RAPGEF5: variants seen among roughly 807,000 people sequenced by gnomAD.
The protein encoded by RAPGEF5 is M-Ras-regulated GEF.
In RAPGEF5, 65 loss-of-function variants were observed where a neutral mutation model predicts 125.2. That is an observed-to-expected ratio of 0.52 (90% CI 0.43 to 0.64). The LOEUF is 0.64. RAPGEF5 is among the 30% of genes least tolerant of loss of function. The pLI, the probability that RAPGEF5 is intolerant of heterozygous loss-of-function variation, is 0.00. For synonymous variants in RAPGEF5, 391 were observed against 385.9 expected, an observed-to-expected ratio of 1.01 and a Z score of -0.16; for missense variants, 958 against 1,048.1, an observed-to-expected ratio of 0.91 and a Z score of 1.19.
At chr7:22,127,871 G>A (rs1020328875) in intron 24 of RAPGEF5, among the ~76,000 whole-genome samples, 1 of 152,154 alleles carries the variant, frequency 6.6e-6, no homozygotes, top group Admixed American at 6.5e-5. Context: ...TGTCATAACC[G>A]TATTTCTAAT....
intron 2 of RAPGEF5, 58 bp downstream of exon 2, chr7:22,317,929 C>T: frequency 1.9e-6 from 3 of 1,540,772 alleles, no homozygotes; most frequent in African/African-American, 2.8e-5. Flanking sequence ...GATAATTGTA[C>T]ATCAGAATTT....
chr7:22,231,306 T>C (rs571279691), intron 7 of RAPGEF5, among the ~76,000 whole-genome samples: 1 of 152,286 alleles, frequency 6.6e-6, no homozygotes, highest in South Asian at 2.1e-4. Flanking sequence ...GCAGTTTAAA[T>C]GTCATATAAT....
At chr7:22,123,050 A>G (rs979202998) in intron 25 of RAPGEF5, among the ~76,000 whole-genome samples, 1 of 150,600 alleles carries the variant, frequency 6.6e-6, no homozygotes, top group Non-Finnish European at 1.5e-5. Context: ...TTTTGGAAAA[A>G]AAAATTTAAT....
chr7:22,220,665 G>C (rs1018451061), intron 8 of RAPGEF5, among the ~76,000 whole-genome samples: 2 of 151,456 alleles, frequency 1.3e-5, no homozygotes, highest in Non-Finnish European at 2.9e-5. Flanking sequence ...TTAGGTCAAA[G>C]TGCCTAAATA....
At chr7:22,202,621 C>A (rs1239888562) in intron 9 of RAPGEF5, among the ~76,000 whole-genome samples, 1 of 152,200 alleles carries the variant, frequency 6.6e-6, no homozygotes, top group Non-Finnish European at 1.5e-5. Context: ...AACCCTTCCA[C>A]CAAGCCGCAA....
intron 20 of RAPGEF5, among the ~76,000 whole-genome samples, chr7:22,143,282 A>G (rs1309843233): frequency 1.3e-5 from 2 of 152,114 alleles, no homozygotes; most frequent in African/African-American, 2.4e-5. Flanking sequence ...GTCACACCAA[A>G]TACCAGGTCA....
In RAPGEF5 at chr7:22,209,397, G is replaced by A. The variant is rs559286672; in HGVS notation, c.996+10469C>T. On this transcript the variant is annotated intron_variant, in intron 9 of 25. Coordinates refer to ENST00000665637, the MANE Select transcript of RAPGEF5 (RefSeq NM_012294.5). ...GTGTAAATCAATACCTACTTGGGCC[G>A]TGTGTGCTCTCATCTCTCCATTTCG... is the stretch of plus-strand genomic sequence containing the variant. Among the ~76,000 whole-genome samples, 109 of 152,258 alleles carry A rather than the reference G, an allele frequency of 7.2e-4. No individual in the cohort carries two copies. In the Middle Eastern group the frequency reaches 0.01, roughly 14 times the overall value.
intron 5 of RAPGEF5, among the ~76,000 whole-genome samples, chr7:22,301,614 C>CAAAAA (rs35404390): frequency 2.4e-5 from 2 of 83,800 alleles, no homozygotes; most frequent in Non-Finnish European, 4.7e-5. Context: ...GACTCTGTCT[C>CAAAAA]AAAAAAAAAA....
chr7:22,143,995 T>C (rs1007080997), intron 20 of RAPGEF5, among the ~76,000 whole-genome samples: 4 of 152,226 alleles, frequency 2.6e-5, no homozygotes, highest in Non-Finnish European at 1.5e-5. Context: ...CTGTTTGATA[T>C]AAAAACTACT....
At position 22,352,818 on chromosome 7, in the gene RAPGEF5, C is replaced by A. The variant is rs74536087; in HGVS notation, c.231+4012G>T. Among the ~76,000 whole-genome samples, 1,084 of 152,188 alleles carry A rather than the reference C, an allele frequency of 7.1e-3. 13 individuals carry two copies. The highest frequency in any genetic ancestry group is 0.025 in the African/African-American group (1,034 of 41,518). On this transcript the variant is annotated intron_variant, in intron 1 of 25. Transcript: ENST00000665637. Reference sequence around the variant, plus strand: ...TTTATGAGGGAAAGTTCTTTACAGACCGAATTCCAATTAATAAATGCAAGA... The same window carrying A: ...TTTATGAGGGAAAGTTCTTTACAGAACGAATTCCAATTAATAAATGCAAGA...
intron 7 of RAPGEF5, among the ~76,000 whole-genome samples, chr7:22,237,362 GTT>G (rs34763788): frequency 2.4e-5 from 3 of 126,826 alleles, no homozygotes; most frequent in Admixed American, 8.2e-5. Flanking sequence ...TGTTGTTGCT[GTT>G]TTTTTTTTTT....
At chr7:22,194,256 T>C (rs1164736393) in intron 9 of RAPGEF5, among the ~76,000 whole-genome samples, 4 of 152,128 alleles carry the variant, frequency 2.6e-5, no homozygotes, top group Non-Finnish European at 5.9e-5. Flanking sequence ...TAGACAGACA[T>C]AAATACTTTA....
chr7:22,146,089 G>A (rs185600247), intron 19 of RAPGEF5, among the ~76,000 whole-genome samples: 4 of 152,188 alleles, frequency 2.6e-5, no homozygotes, highest in Admixed American at 2.6e-4. Context: ...CATTTAGTCT[G>A]AAGGAATTCA....
chr7:22,127,342 A>G (rs1337542948), intron 24 of RAPGEF5, among the ~76,000 whole-genome samples: 1 of 152,152 alleles, frequency 6.6e-6, no homozygotes, highest in African/African-American at 2.4e-5. Context: ...CCTGGCCGGC[A>G]AAAGTCTTCT....
At position 22,120,071 on chromosome 7, in the gene RAPGEF5, C is replaced by T. The variant is rs1782539768; in HGVS notation, c.*2335G>A. The T allele has an allele frequency of 1.3e-5, 2 of 152,200 alleles. No homozygotes were observed. The allele number at this position is 152,200 out of a possible 1,614,324, so 9.4% of individuals were successfully genotyped here. A position where few individuals can be genotyped will look rare whatever the true frequency, so the allele number is the denominator to read the frequency against. ...ACCTCTGGAGACAGTTGTTAAACTTCAGAAAGATGCAGAGATTTTAGACAT... is the reference window on the plus strand; with the variant it reads ...ACCTCTGGAGACAGTTGTTAAACTTTAGAAAGATGCAGAGATTTTAGACAT... On this transcript the variant is annotated 3_prime_UTR_variant, in exon 26 of 26. Coordinates refer to ENST00000665637, the MANE Select transcript of RAPGEF5 (RefSeq NM_012294.5). The surrounding 1 kb of genome is among the most constrained non-coding windows in gnomAD (Gnocchi z 4.0).
chr7:22,249,183 T>C (rs35979304), intron 7 of RAPGEF5, among the ~76,000 whole-genome samples: 12,604 of 152,192 alleles, frequency 0.083, 628 homozygotes, highest in Middle Eastern at 0.12. Context: ...TAAAGTTATT[T>C]ACCCTTTTTG....
At chr7:22,181,408 C>G (rs1050628163) in intron 11 of RAPGEF5, among the ~76,000 whole-genome samples, 1 of 152,072 alleles carries the variant, frequency 6.6e-6, no homozygotes, top group African/African-American at 2.4e-5. Context: ...CAATATCCAG[C>G]CAGGTATGCA....
intron 2 of RAPGEF5, among the ~76,000 whole-genome samples, chr7:22,316,233 A>AG (rs1187394490): frequency 6.6e-6 from 1 of 151,916 alleles, no homozygotes; most frequent in African/African-American, 2.4e-5. Flanking sequence ...TCACAAGCAA[A>AG]GGGGGCTAAA....
At chr7:22,194,781 C>A in intron 9 of RAPGEF5, 1 of 984,258 alleles carries the variant, frequency 1.0e-6, no homozygotes, top group Non-Finnish European at 1.2e-6. Flanking sequence ...CATTTCTGCA[C>A]ACACAGCTTC....
Sources: allele counts gnomAD v4.1 joint callset (sites outside exome capture counted in the v4.1 genomes callset), GRCh38; gene constraint gnomAD v4.1.1; non-coding constraint Gnocchi (gnomAD v3.1); transcripts MANE v1.5; gene names NCBI Gene and HGNC (gene_info 2026-07-23, HGNC 2026-07-21).